DPYD: variants seen among roughly 807,000 people sequenced by gnomAD.
The protein encoded by DPYD is dihydropyrimidine dehydrogenase [NADP(+)].
DPYD carries 109 observed loss-of-function variants against 116.2 expected under a neutral mutation model. The ratio of observed to expected loss-of-function variants is 0.94; its 90% CI spans 0.80 to 1.10. DPYD has a LOEUF of 1.10. Ranked by LOEUF, DPYD falls within the 50% of genes least tolerant of loss-of-function variation. DPYD has a pLI of 0.00. For missense variants in DPYD, 1,302 were observed against 1,254.5 expected (o/e 1.04, Z -0.57); for synonymous variants, 440 against 432.0 (o/e 1.02, Z -0.23).
chr1:97,103,122 T>G (rs1650869817), intron 20 of DPYD, among the ~76,000 whole-genome samples: 1 of 152,010 alleles, frequency 6.6e-6, no homozygotes, highest in African/African-American at 2.4e-5. Flanking sequence ...AGTTCCTAAC[T>G]CACCCTAATT....
chr1:97,294,847 A>G (rs971277758), intron 18 of DPYD, among the ~76,000 whole-genome samples: 3 of 152,136 alleles, frequency 2.0e-5, no homozygotes, highest in Non-Finnish European at 4.4e-5. Context: ...ATCTGACTCA[A>G]TTTTCCAAGA....
At chr1:97,774,290 C>T (rs1374708168) in intron 3 of DPYD, among the ~76,000 whole-genome samples, 1 of 152,170 alleles carries the variant, frequency 6.6e-6, no homozygotes, top group Non-Finnish European at 1.5e-5. Context: ...CTCTCTCTTT[C>T]CTGTGAGTAA....
rs568797547 is a variant in DPYD at position 97,399,441 on chromosome 1, G to C, written c.1906-16980C>G. Among the ~76,000 whole-genome samples, 875 of 152,020 alleles carry C rather than the reference G, an allele frequency of 5.8e-3. 6 individuals carry two copies. Among genetic ancestry groups the C allele is most frequent in the Non-Finnish European group, 9.4e-3 (642 of 67,982 alleles). On this transcript the variant is annotated intron_variant, in intron 14 of 22. Coordinates refer to ENST00000370192, the MANE Select transcript of DPYD (RefSeq NM_000110.4). ...ACTTGGCAATGTGGGCTCTTTTTTGGTTCCATATGAACTTTAAAGTAGTTT... is the reference window on the plus strand; with the variant it reads ...ACTTGGCAATGTGGGCTCTTTTTTGCTTCCATATGAACTTTAAAGTAGTTT...
chr1:97,802,859 T>C (rs567556454), intron 3 of DPYD, among the ~76,000 whole-genome samples: 115 of 151,902 alleles, frequency 7.6e-4, no homozygotes, highest in Non-Finnish European at 1.3e-3. Flanking sequence ...CCTATGTCAA[T>C]TTTTTTGTGA....
rs74874444 is a variant in DPYD, at chr1:97,419,382, C to T, written c.1905+30677G>A. Among the ~76,000 whole-genome samples the T allele has an allele frequency of 3.2e-3, 481 of 152,244 alleles. 1 individual carries two copies. Among genetic ancestry groups the T allele is most frequent in the East Asian group, 0.012 (61 of 5,170 alleles). On this transcript the variant is annotated intron_variant, in intron 14 of 22. Coordinates refer to ENST00000370192, the MANE Select transcript of DPYD (RefSeq NM_000110.4). ...CACTTCCATTAGTCTGCTGTAGTTC[C>T]GGTTATCCCCACTTATTACCAGGTC...
chr1:97,282,193 T>TCA (rs78472874), intron 18 of DPYD, among the ~76,000 whole-genome samples: 11,634 of 152,138 alleles, frequency 0.076, 994 homozygotes, highest in African/African-American at 0.21. Context: ...TTTTATGACA[T>TCA]CATACTCTCT....
chr1:97,596,474 T>C (rs1240845478), intron 8 of DPYD, among the ~76,000 whole-genome samples: 3 of 152,244 alleles, frequency 2.0e-5, no homozygotes, highest in Admixed American at 1.3e-4. Flanking sequence ...GAAAATCTTA[T>C]AGCAGTCACC....
At chr1:97,181,328 G>T (rs144705963) in intron 20 of DPYD, among the ~76,000 whole-genome samples, 3 of 152,094 alleles carry the variant, frequency 2.0e-5, no homozygotes, top group Admixed American at 6.6e-5. Flanking sequence ...TAACTTGAGG[G>T]ACTCTTATCA....
chr1:97,379,802 C>A (rs1671840627), intron 15 of DPYD, among the ~76,000 whole-genome samples: 1 of 152,204 alleles, frequency 6.6e-6, no homozygotes, highest in Non-Finnish European at 1.5e-5. Context: ...AGACAGGAGA[C>A]TGAAGGAGCC....
In DPYD at chr1:97,699,559, T is replaced by A. The variant is rs2100972606; in HGVS notation, c.484-12A>T. The A allele has an allele frequency of 1.2e-6, 2 of 1,612,766 alleles. No individual in the cohort carries two copies. The highest frequency in any genetic ancestry group is 1.7e-6 in the Non-Finnish European group (2 of 1,179,008). On this transcript the variant is annotated splice_polypyrimidine_tract_variant and intron_variant, in intron 5 of 22. Transcript: ENST00000370192. ...ATTGCTTTGAATACCTACGGGGAAATCAATTGTCATGGTTAAAATTTTGAA... is the reference window on the plus strand; with the variant it reads ...ATTGCTTTGAATACCTACGGGGAAAACAATTGTCATGGTTAAAATTTTGAA...
At chr1:97,880,684 A>AAT (rs1353800330) in intron 2 of DPYD, among the ~76,000 whole-genome samples, 1 of 151,966 alleles carries the variant, frequency 6.6e-6, no homozygotes, top group Non-Finnish European at 1.5e-5. Context: ...GAAGACCTGA[A>AAT]ATATACAAAA....
At chr1:97,894,342 T>C (rs1207573518) in intron 1 of DPYD, among the ~76,000 whole-genome samples, 3 of 151,772 alleles carry the variant, frequency 2.0e-5, no homozygotes, top group Admixed American at 6.6e-5. Flanking sequence ...ATACCACACA[T>C]TGGAAGTTAA....
intron 2 of DPYD, among the ~76,000 whole-genome samples, chr1:97,850,569 A>C (rs1670519764): frequency 7.3e-6 from 1 of 137,328 alleles, no homozygotes; most frequent in Admixed American, 7.7e-5. Context: ...GGTTTTAAAT[A>C]TCTAAAATAT....
At chr1:97,316,103 C>T (rs571705596) in intron 16 of DPYD, among the ~76,000 whole-genome samples, 1 of 152,050 alleles carries the variant, frequency 6.6e-6, no homozygotes, top group South Asian at 2.1e-4. Flanking sequence ...AATTATCCAT[C>T]AAGGGAGGAT....
intron 16 of DPYD, among the ~76,000 whole-genome samples, chr1:97,353,829 T>C (rs964243546): frequency 3.9e-5 from 6 of 152,180 alleles, no homozygotes; most frequent in African/African-American, 1.4e-4. Flanking sequence ...CTGAAATGCA[T>C]CATCAAGATA....
At chr1:97,237,241 C>CAAAAAAAAA (rs58926889) in intron 18 of DPYD, among the ~76,000 whole-genome samples, 7 of 57,698 alleles carry the variant, frequency 1.2e-4, no homozygotes, top group African/African-American at 4.7e-4. Flanking sequence ...GATTCTGTCT[C>CAAAAAAAAA]AAAAAAAAAA....
At chr1:97,144,899 TC>T (rs1654501644) in intron 20 of DPYD, among the ~76,000 whole-genome samples, 1 of 152,148 alleles carries the variant, frequency 6.6e-6, no homozygotes, top group African/African-American at 2.4e-5. Flanking sequence ...TCTCACTAAA[TC>T]TTGCAAATAA....
At chr1:97,855,369 G>A (rs1670777098) in intron 2 of DPYD, 1 of 152,120 alleles carries the variant, frequency 6.6e-6, no homozygotes, top group African/African-American at 2.4e-5. Flanking sequence ...GATGCAAGTA[G>A]GGACAAAGAA....
intron 4 of DPYD, among the ~76,000 whole-genome samples, chr1:97,724,608 G>C (rs1040208437): frequency 3.3e-5 from 5 of 151,434 alleles, no homozygotes; most frequent in African/African-American, 1.2e-4. Context: ...GGTAGAGCTA[G>C]CATTTTGTTT....
Sources: gnomAD v4.1 joint callset for allele counts (sites outside exome capture counted in the v4.1 genomes callset) on GRCh38, gnomAD v4.1.1 for gene constraint, MANE v1.5 for transcripts, NCBI Gene and HGNC (gene_info 2026-07-23, HGNC 2026-07-21) for gene names.